THRAP3: variants seen among roughly 807,000 people sequenced by gnomAD.
THRAP3 encodes the protein thyroid hormone receptor associated protein 3.
A neutral mutation model predicts 101.0 loss-of-function variants in THRAP3; 16 were observed. The ratio of observed to expected loss-of-function variants is 0.16; its 90% CI spans 0.11 to 0.24. THRAP3 has a LOEUF of 0.24. THRAP3 is among the 10% of genes least tolerant of loss of function. The pLI is 1.00. For missense variants in THRAP3, 989 were observed against 1,202.7 expected (o/e 0.82, Z 2.63); for synonymous variants, 407 against 422.6 (o/e 0.96, Z 0.45).
chr1:36,232,879 C>CTTTT lies in THRAP3; in HGVS notation c.-135+8386_-135+8389dup, dbSNP rs11448026. Among the ~76,000 whole-genome samples the CTTTT allele has an allele frequency of 2.8e-3, 390 of 139,130 alleles. 3 individuals carry two copies. The highest frequency in any genetic ancestry group is 9.9e-3 in the African/African-American group (373 of 37,560). The allele number at this position is 139,130 out of a possible 152,430, so 91.3% of individuals were successfully genotyped here. A position where few individuals can be genotyped will look rare whatever the true frequency, so the allele number is the denominator to read the frequency against. On this transcript the variant is annotated intron_variant, in intron 1 of 11. Coordinates refer to ENST00000354618, the MANE Select transcript of THRAP3 (RefSeq NM_005119.4). The stretch of plus-strand genomic sequence containing the variant: ...TTTGTCAAAACTCATCGAACTGTAT[C>CTTTT]TTTTTTTTTTTTTTTGAGACAGTCT...
At chr1:36,278,255 G>A (rs1322656628) in intron 2 of THRAP3, among the ~76,000 whole-genome samples, 3 of 151,796 alleles carry the variant, frequency 2.0e-5, no homozygotes, top group Admixed American at 1.3e-4. Flanking sequence ...TAGTAGAGAC[G>A]GGGTTTTGCC....
chr1:36,229,410 T>G (rs1645000044), intron 1 of THRAP3, among the ~76,000 whole-genome samples: 1 of 28,402 alleles, frequency 3.5e-5, no homozygotes, highest in Non-Finnish European at 1.0e-4. Flanking sequence ...GTTTTTTTTT[T>G]TGTTTTTTTT....
At chr1:36,287,327 A>G in intron 4 of THRAP3, 57 bp downstream of exon 4, 1 of 1,505,116 alleles carries the variant, frequency 6.6e-7, no homozygotes, top group Non-Finnish European at 8.9e-7. Context: ...CTGGCAGTTT[A>G]ATTGTAATGT....
chr1:36,276,616 G>T (rs1645664298), intron 2 of THRAP3, among the ~76,000 whole-genome samples: 1 of 151,990 alleles, frequency 6.6e-6, no homozygotes, highest in Non-Finnish European at 1.5e-5. Flanking sequence ...CAGCACTTTG[G>T]GAGGCTGAGA....
chr1:36,247,328 T>G (rs1316908015), intron 1 of THRAP3, among the ~76,000 whole-genome samples: 1 of 151,322 alleles, frequency 6.6e-6, no homozygotes, highest in Non-Finnish European at 1.5e-5. Context: ...AAAAGACAAA[T>G]TAACTTTTTT....
At chr1:36,285,214 CTGAT>C (rs1645780414) in intron 3 of THRAP3, among the ~76,000 whole-genome samples, 1 of 152,158 alleles carries the variant, frequency 6.6e-6, no homozygotes, top group East Asian at 1.9e-4. Flanking sequence ...AGAAAGCCTG[CTGAT>C]TAACTGAAGA....
intron 1 of THRAP3, among the ~76,000 whole-genome samples, chr1:36,244,048 G>A (rs1169316295): frequency 6.6e-6 from 1 of 151,938 alleles, no homozygotes; most frequent in Non-Finnish European, 1.5e-5. Context: ...CTCCCGGACG[G>A]GGCGGCTGGC....
chr1:36,244,574 T>G (rs1346454394), intron 1 of THRAP3, among the ~76,000 whole-genome samples: 1 of 152,226 alleles, frequency 6.6e-6, no homozygotes, highest in East Asian at 1.9e-4. Flanking sequence ...TCTTCGTCAC[T>G]TCTACGTCTA....
At chr1:36,239,386 C>A (rs1446480143) in intron 1 of THRAP3, among the ~76,000 whole-genome samples, 22 of 152,014 alleles carry the variant, frequency 1.4e-4, no homozygotes, top group Non-Finnish European at 5.9e-5. Context: ...CCTGCCTCAG[C>A]CTCCCAAGTA....
At chr1:36,213,968 A>AAG in the THRAP3 span, among the ~76,000 whole-genome samples, 404 of 81,290 alleles carry the variant, frequency 5.0e-3, 3 homozygotes, top group Non-Finnish European at 5.6e-3. Context: ...AGAAGGAAAG[A>AAG]GAAAGAAAGA....
At chr1:36,228,331 C>T (rs1295931523) in intron 1 of THRAP3, among the ~76,000 whole-genome samples, 1 of 152,194 alleles carries the variant, frequency 6.6e-6, no homozygotes, top group Non-Finnish European at 1.5e-5. Flanking sequence ...GATTCTCCAG[C>T]CTCAGCATCC....
chr1:36,220,972 A>AAATAT (rs1285765741), upstream of THRAP3, among the ~76,000 whole-genome samples: 174 of 94,096 alleles, frequency 1.8e-3, no homozygotes, highest in Non-Finnish European at 2.2e-3. Flanking sequence ...AAAAAAAAAA[A>AAATAT]ATATATATAT....
chr1:36,246,619 G>A (rs1215342630), intron 1 of THRAP3, among the ~76,000 whole-genome samples: 1 of 152,084 alleles, frequency 6.6e-6, no homozygotes, highest in Non-Finnish European at 1.5e-5. Flanking sequence ...GAAGCAGGCA[G>A]ATCACGAGGT....
upstream of THRAP3, among the ~76,000 whole-genome samples, chr1:36,220,964 A>T (rs1366226594): frequency 7.4e-6 from 1 of 134,344 alleles, no homozygotes; most frequent in African/African-American, 3.0e-5. Context: ...AAAAAAAAAA[A>T]AAAAAAAAAT....
At chr1:36,233,644 T>C (rs933689669) in intron 1 of THRAP3, among the ~76,000 whole-genome samples, 10 of 152,126 alleles carry the variant, frequency 6.6e-5, no homozygotes, top group African/African-American at 2.2e-4. Context: ...CATGAGCCTG[T>C]AGTCCCAGCT....
rs140887325 is a variant in THRAP3, at chr1:36,289,685, A to G, written c.1666A>G (p.Thr556Ala). ...DKLGAKGDFP[T>A]GKSSFSITRE... is the part of the protein sequence containing the mutation. ...GCTGGGAGCGAAAGGAGATTTTCCC[A>G]CAGGAAAGTCTTCCTTTTCCATTAC... Residue 556 changes from threonine (T) to alanine (A), a missense_variant, in exon 5 of 12, where the codon ACA (threonine) becomes GCA (alanine). Transcript: ENST00000354618. The G allele has an allele frequency of 1.6e-5, 26 of 1,614,072 alleles. No individual in the cohort carries two copies. The highest frequency in any genetic ancestry group is 2.1e-5 in the Non-Finnish European group (25 of 1,180,030).
the THRAP3 span, among the ~76,000 whole-genome samples, chr1:36,213,997 G>GGAAA: frequency 4.1e-3 from 330 of 81,058 alleles, 3 homozygotes; most frequent in East Asian, 0.011. Flanking sequence ...AAGAAAGAAA[G>GGAAA]GAAAGAAAGA....
chr1:36,216,404 C>T, the THRAP3 span, among the ~76,000 whole-genome samples: 1 of 149,852 alleles, frequency 6.7e-6, no homozygotes, highest in Non-Finnish European at 1.5e-5. Flanking sequence ...ATCCCAGCTA[C>T]TCGGGAGGCA....
intron 1 of THRAP3, chr1:36,225,359 C>G (rs1644949877): frequency 6.6e-6 from 1 of 152,106 alleles, no homozygotes; most frequent in Admixed American, 6.6e-5. Flanking sequence ...CAGAAGTATC[C>G]TGAACCAGTT....
Sources: allele counts gnomAD v4.1 joint callset (sites outside exome capture counted in the v4.1 genomes callset), GRCh38; gene constraint gnomAD v4.1.1; transcripts MANE v1.5; gene names NCBI Gene and HGNC (gene_info 2026-07-23, HGNC 2026-07-21).